The following SARNP variants were observed in gnomAD, a reference collection of about 807,000 sequenced individuals.
The protein encoded by SARNP is SAP domain containing ribonucleoprotein, also known as SAP domain-containing ribonucleoprotein.
SARNP carries 5 observed loss-of-function variants against 38.1 expected under a neutral mutation model. The observed-to-expected ratio is 0.13, with a 90% CI of 0.07 to 0.28. SARNP has a LOEUF of 0.28. SARNP is among the 10% of genes least tolerant of loss of function. SARNP has a pLI of 1.00. For missense variants in SARNP, 180 were observed against 243.9 expected (o/e 0.74, Z 1.75); for synonymous variants, 84 against 80.6 (o/e 1.04, Z -0.23).
chr12:55,791,011 CA>C (rs1879651372), intron 7 of SARNP, among the ~76,000 whole-genome samples: 1 of 152,110 alleles, frequency 6.6e-6, no homozygotes, highest in Non-Finnish European at 1.5e-5. Context: ...TATTATTAAA[CA>C]ATAAAAATGA....
chr12:55,796,721 T>C (rs1010739530), intron 4 of SARNP, among the ~76,000 whole-genome samples: 2 of 152,100 alleles, frequency 1.3e-5, no homozygotes, highest in African/African-American at 4.8e-5. Flanking sequence ...ACTTTTGAAC[T>C]AATGAGTAAC....
At chr12:55,810,861 G>A (rs1880307649) in intron 1 of SARNP, among the ~76,000 whole-genome samples, 1 of 151,050 alleles carries the variant, frequency 6.6e-6, no homozygotes, top group Non-Finnish European at 1.5e-5. Context: ...CGGATCACCT[G>A]AGGTCAGGAG....
At chr12:55,792,070 A>AAT (rs1592572353) in intron 7 of SARNP, among the ~76,000 whole-genome samples, 2 of 152,184 alleles carry the variant, frequency 1.3e-5, no homozygotes, top group Admixed American at 1.3e-4. Context: ...CAGCCTGGGC[A>AAT]ATATAGTGAA....
At chr12:55,765,744 C>A (rs771218320) in intron 9 of SARNP, among the ~76,000 whole-genome samples, 1 of 152,134 alleles carries the variant, frequency 6.6e-6, no homozygotes, top group African/African-American at 2.4e-5. Context: ...ACAACAACAA[C>A]AATACATCGT....
chr12:55,774,883 G>GTTTTTT (rs367957447), intron 9 of SARNP, among the ~76,000 whole-genome samples: 7 of 110,734 alleles, frequency 6.3e-5, no homozygotes, highest in Non-Finnish European at 9.1e-5. Flanking sequence ...ATTTCTATTT[G>GTTTTTT]TTTTTTTTTT....
chr12:55,808,665 G>C (rs545573870), intron 1 of SARNP, among the ~76,000 whole-genome samples: 7 of 152,092 alleles, frequency 4.6e-5, no homozygotes, highest in Admixed American at 4.6e-4. Context: ...GGAAGCTGAG[G>C]TGGGAGGAAC....
chr12:55,759,591 GTAAA>G (rs781133002), intron 10 of SARNP, among the ~76,000 whole-genome samples: 14 of 151,802 alleles, frequency 9.2e-5, no homozygotes, highest in African/African-American at 2.4e-4. Flanking sequence ...TTTTAAATAA[GTAAA>G]TAAATAAATA....
At chr12:55,800,690 A>C (rs1879955176) in intron 3 of SARNP, 61 bp from the exon 4 acceptor site, 1 of 1,427,388 alleles carries the variant, frequency 7.0e-7, no homozygotes, top group Non-Finnish European at 9.8e-7. Context: ...CTATCAAAAG[A>C]AGAACATCAG....
intron 10 of SARNP, among the ~76,000 whole-genome samples, chr12:55,759,160 C>T (rs910557237): frequency 6.6e-6 from 1 of 152,128 alleles, no homozygotes; most frequent in African/African-American, 2.4e-5. Context: ...GGGATTCTTT[C>T]ATTTTGAGAA....
At position 55,760,418 on chromosome 12, in the gene SARNP, C is replaced by G. The variant is rs965128827; in HGVS notation, c.591+133G>C. 4 of 611,580 alleles carry G rather than the reference C, an allele frequency of 6.5e-6. No individual in the cohort carries two copies. In the Admixed American group the frequency reaches 1.2e-4, roughly 18 times the overall value. 37.9% of individuals were successfully genotyped at this position (611,580 alleles called of 1,614,324 possible). A position where few individuals can be genotyped will look rare whatever the true frequency, so the allele number is the denominator to read the frequency against. ...TTATTCACTCTCACTTCCTGGGCAA[C>G]AGAGACCCCAACTCGACTTAAATAA... is the stretch of plus-strand genomic sequence containing the variant. On this transcript the variant is annotated intron_variant, in intron 10 of 10. Coordinates refer to ENST00000336133, the MANE Select transcript of SARNP (RefSeq NM_033082.4).
chr12:55,811,474 T>G (rs1220478187), intron 1 of SARNP, among the ~76,000 whole-genome samples: 1 of 151,838 alleles, frequency 6.6e-6, no homozygotes, highest in Non-Finnish European at 1.5e-5. Flanking sequence ...GAGCAGGGGC[T>G]GAGGTGGATC....
chr12:55,761,029 T>C (rs537711402), intron 9 of SARNP, among the ~76,000 whole-genome samples: 5 of 151,846 alleles, frequency 3.3e-5, no homozygotes, highest in African/African-American at 1.2e-4. Context: ...ACAAAAAAAT[T>C]AGCTGGGTGT....
intron 7 of SARNP, 186 bp downstream of exon 7, chr12:55,794,173 G>A: frequency 3.3e-6 from 2 of 598,520 alleles, no homozygotes; most frequent in Non-Finnish European, 6.0e-6. Flanking sequence ...ATAACATTCA[G>A]TATCTCTCTT....
At chr12:55,798,132 A>C (rs1297483434) in intron 4 of SARNP, among the ~76,000 whole-genome samples, 1 of 152,160 alleles carries the variant, frequency 6.6e-6, no homozygotes, top group Non-Finnish European at 1.5e-5. Context: ...CACTATATCT[A>C]ATTATAAACA....
chr12:55,794,740 G>A (rs1364802012), intron 6 of SARNP, 67 bp downstream of exon 6: 1 of 945,024 alleles, frequency 1.1e-6, no homozygotes, highest in African/African-American at 1.6e-5. Flanking sequence ...ATACCTAAAA[G>A]CTAGGATCAC....
intron 9 of SARNP, among the ~76,000 whole-genome samples, chr12:55,779,519 C>T (rs146463424): frequency 2.0e-5 from 3 of 152,198 alleles, no homozygotes; most frequent in African/African-American, 7.2e-5. Context: ...ACCACTACTT[C>T]CTTTAAAGAT....
intron 9 of SARNP, among the ~76,000 whole-genome samples, chr12:55,771,519 G>A (rs183446539): frequency 6.6e-6 from 1 of 152,266 alleles, no homozygotes; most frequent in Non-Finnish European, 1.5e-5. Flanking sequence ...CCATGTGTGA[G>A]AAGCAGAAAT....
intron 9 of SARNP, among the ~76,000 whole-genome samples, chr12:55,783,230 G>C (rs1325349530): frequency 6.8e-6 from 1 of 147,826 alleles, no homozygotes; most frequent in African/African-American, 2.5e-5. Flanking sequence ...AACCAGTCAA[G>C]CACAAGACAG....
intron 2 of SARNP, among the ~76,000 whole-genome samples, chr12:55,801,124 A>C (rs1316782671): frequency 6.6e-6 from 1 of 152,228 alleles, no homozygotes; most frequent in African/African-American, 2.4e-5. Flanking sequence ...CTAAATGTGA[A>C]GTCAAACTAG....
Sources: allele counts gnomAD v4.1 joint callset (sites outside exome capture counted in the v4.1 genomes callset), GRCh38; gene constraint gnomAD v4.1.1; transcripts MANE v1.5; gene names NCBI Gene and HGNC (gene_info 2026-07-23, HGNC 2026-07-21).